AGO1: variants seen among roughly 807,000 people sequenced by gnomAD.
AGO1 encodes protein argonaute-1.
A neutral mutation model predicts 109.2 loss-of-function variants in AGO1; 11 were observed. The ratio of observed to expected loss-of-function variants is 0.10; its 90% CI spans 0.06 to 0.17. The LOEUF (loss-of-function observed/expected upper bound fraction) is 0.17, where lower values mean the gene tolerates loss of function less well. Among genes scored for constraint, AGO1 ranks in the 10% least tolerant of loss-of-function variants. The pLI is 1.00. For synonymous variants in AGO1, 422 were observed against 418.6 expected (o/e 1.01, Z -0.10); for missense variants, 574 against 1,140.3 (o/e 0.50, Z 7.15).
At chr1:35,909,070 G>A (rs987571411) in intron 12 of AGO1, among the ~76,000 whole-genome samples, 4 of 149,482 alleles carry the variant, frequency 2.7e-5, no homozygotes, top group Admixed American at 6.6e-5. Flanking sequence ...TGCCCGCCTC[G>A]GCCTCCCAAA....
chr1:35,918,175 C>T (rs1006572015), intron 16 of AGO1, 147 bp from the exon 17 acceptor site: 2 of 705,760 alleles, frequency 2.8e-6, no homozygotes, highest in African/African-American at 3.5e-5. Context: ...ACTTTAGAAG[C>T]ATATTATTTT....
In AGO1 at chr1:35,901,295, G is replaced by A. The variant is rs1268325448; in HGVS notation, c.1021-179G>A. Among the ~76,000 whole-genome samples, 4 of 152,248 alleles carry A rather than the reference G, an allele frequency of 2.6e-5. No individual in the cohort carries two copies. The highest frequency in any genetic ancestry group is 2.0e-4 in the Admixed American group (3 of 15,298). On this transcript the variant is annotated intron_variant, in intron 8 of 18. Coordinates refer to ENST00000373204, the MANE Select transcript of AGO1 (RefSeq NM_012199.5). The surrounding 1 kb of genome is among the most constrained non-coding windows in gnomAD (Gnocchi z 4.8). ...CTGAATCGCCTTTTACAATGCACACGAATATTTTCTAATTTACCTATCAAA... is the reference window on the plus strand; with the variant it reads ...CTGAATCGCCTTTTACAATGCACACAAATATTTTCTAATTTACCTATCAAA...
rs1645819774 is a variant in AGO1, at chr1:35,920,860, T to C, written c.*1253T>C. 1.3e-5 allele frequency: 2 copies of C among 152,622 alleles called. No homozygotes were observed. The highest frequency in any genetic ancestry group is 2.9e-5 in the Non-Finnish European group (2 of 68,028). 9.5% of individuals were successfully genotyped at this position (152,622 alleles called of 1,614,324 possible). ...ATGAGAAAAAAGAGAGAAAACAAAA[T>C]GTTATTTTTATACCATAACTTGAGT... On this transcript the variant is annotated 3_prime_UTR_variant, in exon 19 of 19. Transcript: ENST00000373204.
chr1:35,906,224 C>T (rs1419163801), intron 11 of AGO1, among the ~76,000 whole-genome samples: 1 of 152,212 alleles, frequency 6.6e-6, no homozygotes, highest in Non-Finnish European at 1.5e-5. Context: ...GGAGGGAACT[C>T]ATTTTTACTG....
chr1:35,911,010 G>A (rs1301658827), intron 12 of AGO1, among the ~76,000 whole-genome samples: 1 of 152,166 alleles, frequency 6.6e-6, no homozygotes, highest in Non-Finnish European at 1.5e-5. Context: ...AGGTTGCAGT[G>A]AGCCAAGATC....
chr1:35,901,405 A>G lies in AGO1; in HGVS notation c.1021-69A>G, dbSNP rs1185968549. ...GCTGACAGCCAAGGTATCTTTCCTT[A>G]TTGTGGGGCTCTGGGTACAGGGTGG... On this transcript the variant is annotated intron_variant, in intron 8 of 18. Coordinates refer to ENST00000373204, the MANE Select transcript of AGO1 (RefSeq NM_012199.5). The surrounding 1 kb of genome is among the most constrained non-coding windows in gnomAD (Gnocchi z 4.8). 1.3e-6 allele frequency: 2 copies of G among 1,594,364 alleles called. No individual in the cohort carries two copies. Among genetic ancestry groups the G allele is most frequent in the Non-Finnish European group, 1.7e-6 (2 of 1,168,350 alleles).
At position 35,903,961 on chromosome 1, in the gene AGO1, C is replaced by CA. The variant is rs199736774; in HGVS notation, c.1397+1637dup. Among the ~76,000 whole-genome samples, 534 of 138,808 alleles carry CA rather than the reference C, an allele frequency of 3.8e-3. 1 individual carries two copies. The highest frequency in any genetic ancestry group is 0.012 in the African/African-American group (442 of 37,952). The allele number at this position is 138,808 out of a possible 152,430, so 91.1% of individuals were successfully genotyped here. ...GTGGTAACAAAGCGAGACTCCATCT[C>CA]AAAAAAAAAAAAAGTTCTAACAGCT... On this transcript the variant is annotated intron_variant, in intron 11 of 18. Transcript: ENST00000373204.
upstream of AGO1, chr1:35,883,159 C>T (rs547921358): frequency 1.1e-4 from 125 of 1,136,434 alleles, no homozygotes; most frequent in East Asian, 5.4e-3. This position sits in a 1 kb window ranked among gnomAD's most constrained non-coding sequence, Gnocchi z 5.4. Context: ...CGGAGCGCCC[C>T]GCTTGACTCG....
In AGO1 at chr1:35,927,397, T is replaced by G. The variant is rs1416767433; in HGVS notation, c.*7790T>G. On this transcript the variant is annotated 3_prime_UTR_variant, in exon 19 of 19. Coordinates refer to ENST00000373204, the MANE Select transcript of AGO1 (RefSeq NM_012199.5). Reference sequence around the variant, plus strand: ...TCAGTTTCTTGAAATTTTTTTGCTCTGCCATCCTCCATGTTTATCCTCACG... The same window carrying G: ...TCAGTTTCTTGAAATTTTTTTGCTCGGCCATCCTCCATGTTTATCCTCACG... 6.6e-6 allele frequency: 1 copy of G among 152,216 alleles called. No homozygotes were observed. Among genetic ancestry groups the G allele is most frequent in the African/African-American group, 2.4e-5 (1 of 41,458 alleles). The allele number at this position is 152,216 out of a possible 1,614,324, so 9.4% of individuals were successfully genotyped here.
intron 12 of AGO1, among the ~76,000 whole-genome samples, chr1:35,908,408 A>G (rs1452011207): frequency 4.6e-5 from 7 of 152,156 alleles, no homozygotes; most frequent in African/African-American, 1.4e-4. Context: ...AGTTGCTTCA[A>G]TCATCACCTA....
Position 35,922,476 on chromosome 1 carries a change from C to G in AGO1, c.*2869C>G, listed in dbSNP as rs1274532947. 1.3e-5 allele frequency: 2 copies of G among 152,378 alleles called. No individual in the cohort carries two copies. Among genetic ancestry groups the G allele is most frequent in the Non-Finnish European group, 2.9e-5 (2 of 68,148 alleles). 9.4% of individuals were successfully genotyped at this position (152,378 alleles called of 1,614,324 possible). ...AGGAAGTGCTTGGGGGACCCCCAGC[C>G]TCATCCTCTTAGTTGGGTCTCTTGT... On this transcript the variant is annotated 3_prime_UTR_variant, in exon 19 of 19. Coordinates refer to ENST00000373204, the MANE Select transcript of AGO1 (RefSeq NM_012199.5).
At chr1:35,914,079 C>A (rs951602147) in intron 13 of AGO1, 78 bp downstream of exon 13, 1 of 1,595,276 alleles carries the variant, frequency 6.3e-7, no homozygotes, top group East Asian at 2.2e-5. Flanking sequence ...CCTGGCCAGG[C>A]AGACTGAATC....
intron 1 of AGO1, among the ~76,000 whole-genome samples, chr1:35,873,014 A>G (rs960406097): frequency 6.6e-6 from 1 of 151,022 alleles, no homozygotes; most frequent in African/African-American, 2.4e-5. Flanking sequence ...CAGCTTCCCA[A>G]GTAGCTAAGA....
chr1:35,893,701 C>G lies in AGO1; in HGVS notation c.540C>G (p.Phe180Leu). 6.2e-7 allele frequency: 1 copy of G among 1,613,746 alleles called. No homozygotes were observed. The highest frequency in any genetic ancestry group is 8.5e-7 in the Non-Finnish European group (1 of 1,179,850). The part of the protein sequence containing the change: ...MRYTPVGRSF[F>L]SPPEGYYHPL... ...ACACCCCTGTGGGCCGCTCCTTCTT[C>G]TCACCGCCTGAGGGCTACTACCACC... Residue 180 changes from phenylalanine to leucine, a missense_variant, in exon 5 of 19, where the codon TTC (phenylalanine) becomes TTG (leucine). Phe to Leu is a conservative substitution (Grantham distance 22). Around this residue, in one of 8 missense-constraint regions of AGO1, gnomAD observed 129 missense variants for 243.0 expected, o/e 0.53. Transcript: ENST00000373204. The surrounding 1 kb of genome is among the most constrained non-coding windows in gnomAD (Gnocchi z 5.6).
At position 35,923,452 on chromosome 1, in the gene AGO1, ATCATC is replaced by A. The variant is rs1219867000; in HGVS notation, c.*3849_*3853del. ...GTTTCTTCCCCATCAGGGTAGAAAA[ATCATC>A]TCAAACTAGCCAAAAGGCAGTTTTG... On this transcript the variant is annotated 3_prime_UTR_variant, in exon 19 of 19. Transcript: ENST00000373204. 6.6e-6 allele frequency: 1 copy of A among 152,650 alleles called. No homozygotes were observed. The highest frequency in any genetic ancestry group is 1.5e-5 in the Non-Finnish European group (1 of 68,052). 9.5% of individuals were successfully genotyped at this position (152,650 alleles called of 1,614,324 possible).
chr1:35,898,554 C>T (rs1645361495), intron 8 of AGO1, among the ~76,000 whole-genome samples: 1 of 152,172 alleles, frequency 6.6e-6, no homozygotes, highest in South Asian at 2.1e-4. Flanking sequence ...TGCACCTGGC[C>T]AATGTTTAAC....
intron 8 of AGO1, among the ~76,000 whole-genome samples, chr1:35,896,870 C>T (rs1571352498): frequency 6.6e-6 from 1 of 152,158 alleles, no homozygotes; most frequent in Non-Finnish European, 1.5e-5. Context: ...TCTTTAGGGA[C>T]AATCTTAGCT....
rs1296575768 is a variant in AGO1 at position 35,922,592 on chromosome 1, T to TGGCC, written c.*2990_*2993dup. The TGGCC allele has an allele frequency of 2.6e-5, 4 of 153,320 alleles. No individual in the cohort carries two copies. The highest frequency in any genetic ancestry group is 5.8e-5 in the Non-Finnish European group (4 of 69,460). The allele number at this position is 153,320 out of a possible 1,614,324, so 9.5% of individuals were successfully genotyped here. A position where few individuals can be genotyped will look rare whatever the true frequency, so the allele number is the denominator to read the frequency against. Reference sequence around the variant, plus strand: ...TCTTCTATTCACTCTGCTTGCTTGCTGGCCGGCCTGCCTGCCTGCCTGCCT... The same window carrying TGGCC: ...TCTTCTATTCACTCTGCTTGCTTGCTGGCCGGCCGGCCTGCCTGCCTGCCTGCCT... On this transcript the variant is annotated 3_prime_UTR_variant, in exon 19 of 19. Transcript: ENST00000373204.
rs1308645978 is a variant in AGO1, at chr1:35,928,639, TA to T, written c.*9033del. ...GTTTTATTGAGTTGTAAGAGTTCTTTATTCATTTTAAACACAAGTCCTTTGT... is the reference window on the plus strand; with the variant it reads ...GTTTTATTGAGTTGTAAGAGTTCTTTTTCATTTTAAACACAAGTCCTTTGT... On this transcript the variant is annotated 3_prime_UTR_variant, in exon 19 of 19. Coordinates refer to ENST00000373204, the MANE Select transcript of AGO1 (RefSeq NM_012199.5). The T allele has an allele frequency of 6.6e-6, 1 of 152,234 alleles. No homozygotes were observed. The highest frequency in any genetic ancestry group is 1.5e-5 in the Non-Finnish European group (1 of 68,028). The allele number at this position is 152,234 out of a possible 1,614,324, so 9.4% of individuals were successfully genotyped here.
Sources: allele counts gnomAD v4.1 joint callset (sites outside exome capture counted in the v4.1 genomes callset), GRCh38; gene constraint gnomAD v4.1.1; regional missense constraint gnomAD v4.1.1; non-coding constraint Gnocchi (gnomAD v3.1); transcripts MANE v1.5; gene names NCBI Gene and HGNC (gene_info 2026-07-23, HGNC 2026-07-21).